Variants in OR2L13 observed in about 807,000 individuals in gnomAD.
OR2L13 encodes olfactory receptor family 2 subfamily L member 13.
OR2L13 carries 14 observed loss-of-function variants against 15.3 expected under a neutral mutation model. The ratio of observed to expected loss-of-function variants is 0.91; its 90% CI spans 0.60 to 1.43. OR2L13 has a LOEUF of 1.43. Ranked by LOEUF, OR2L13 falls within the 40% of genes most tolerant of loss-of-function variation. The probability of loss-of-function intolerance (pLI) is 0.00; values close to 1 mark genes in which losing one functional copy is unlikely to be tolerated. For missense variants in OR2L13, 367 were observed against 387.9 expected, an observed-to-expected ratio of 0.95 and a Z score of 0.45; for synonymous variants, 152 against 142.9, an observed-to-expected ratio of 1.06 and a Z score of -0.45.
chr1:248,087,932 T>A, the OR2L13 span, among the ~76,000 whole-genome samples: 4 of 152,220 alleles, frequency 2.6e-5, no homozygotes, highest in Non-Finnish European at 5.9e-5. Context: ...AATTTTTAAA[T>A]TTTCTGAAAT....
chr1:248,004,102 A>G, the OR2L13 span: 28 of 1,536,010 alleles, frequency 1.8e-5, no homozygotes, highest in Non-Finnish European at 2.4e-5. Context: ...CAGGACTCAG[A>G]TACACATCCA....
At chr1:247,986,749 G>A in the OR2L13 span, among the ~76,000 whole-genome samples, 1 of 152,130 alleles carries the variant, frequency 6.6e-6, no homozygotes, top group Non-Finnish European at 1.5e-5. Context: ...CATGAGCATG[G>A]AATGTTCTTC....
At chr1:248,061,406 C>T in the OR2L13 span, 4 of 1,614,116 alleles carry the variant, frequency 2.5e-6, no homozygotes, top group Non-Finnish European at 2.5e-6. Flanking sequence ...ACCTGCAGCA[C>T]CCACCTCACT....
At chr1:248,049,326 T>C in the OR2L13 span, among the ~76,000 whole-genome samples, 4 of 152,336 alleles carry the variant, frequency 2.6e-5, no homozygotes, top group African/African-American at 9.6e-5. Context: ...AAGAGATCCA[T>C]GCAATGCAAT....
At chr1:247,937,235 G>A in the OR2L13 span, 1 of 152,912 alleles carries the variant, frequency 6.5e-6, no homozygotes, top group South Asian at 1.8e-4. Context: ...GTCTTTGGCA[G>A]TAGTGGGCGT....
the OR2L13 span, chr1:247,975,515 A>G: frequency 2.0e-6 from 2 of 1,023,126 alleles, no homozygotes; most frequent in African/African-American, 3.2e-5. Context: ...AGATACCTGC[A>G]ATCTCCAACA....
chr1:248,003,632 TGC>T, the OR2L13 span: 2 of 1,611,906 alleles, frequency 1.2e-6, no homozygotes, highest in Non-Finnish European at 1.7e-6. Context: ...TATTCCTTAT[TGC>T]CCATCTAGGG....
chr1:248,053,864 G>A, the OR2L13 span, among the ~76,000 whole-genome samples: 7 of 151,992 alleles, frequency 4.6e-5, no homozygotes, highest in Non-Finnish European at 1.0e-4. Context: ...TTAGATCTTT[G>A]TCAGATGGAT....
chr1:247,938,507 A>G, the OR2L13 span, among the ~76,000 whole-genome samples: 3 of 152,226 alleles, frequency 2.0e-5, no homozygotes, highest in Non-Finnish European at 4.4e-5. Flanking sequence ...GTCAGAATTC[A>G]TAGATTTACA....
chr1:247,965,703 A>C, the OR2L13 span: 1 of 1,555,566 alleles, frequency 6.4e-7, no homozygotes, highest in Non-Finnish European at 8.7e-7. Flanking sequence ...CCCTTGGTGG[A>C]ACTGAAGCCC....
chr1:248,003,371 G>A, the OR2L13 span: 7 of 1,608,318 alleles, frequency 4.4e-6, no homozygotes, highest in Admixed American at 5.0e-5. Flanking sequence ...TCCTAAGATG[G>A]CATCTGATTT....
the OR2L13 span, among the ~76,000 whole-genome samples, chr1:248,074,292 G>T: frequency 1.3e-3 from 205 of 151,874 alleles, no homozygotes; most frequent in Non-Finnish European, 2.2e-3. Context: ...CACTAGAAGG[G>T]TTAAAATTAA....
At chr1:248,022,667 C>T in the OR2L13 span, 2 of 1,614,102 alleles carry the variant, frequency 1.2e-6, no homozygotes, top group Admixed American at 1.7e-5. Flanking sequence ...ATTCGACCTG[C>T]AGCACCCACC....
At chr1:247,962,328 G>A in the OR2L13 span, among the ~76,000 whole-genome samples, 121,511 of 152,124 alleles carry the variant, frequency 0.8, 52,703 homozygotes, top group South Asian at 0.95. Context: ...TACTGATTCA[G>A]TAGACTATTG....
At chr1:248,002,128 T>C in the OR2L13 span, among the ~76,000 whole-genome samples, 1 of 152,170 alleles carries the variant, frequency 6.6e-6, no homozygotes, top group African/African-American at 2.4e-5. Context: ...TTTTTTTAAT[T>C]ACCAATGTCA....
chr1:248,006,243 A>ATGTG, the OR2L13 span, among the ~76,000 whole-genome samples: 4,290 of 139,606 alleles, frequency 0.031, 49 homozygotes, highest in Non-Finnish European at 0.035. Flanking sequence ...ATTGCAAGAT[A>ATGTG]TGTGTGTGTG....
At chr1:247,998,753 ATTTTG>A in the OR2L13 span, among the ~76,000 whole-genome samples, 850 of 152,206 alleles carry the variant, frequency 5.6e-3, 11 homozygotes, top group Middle Eastern at 0.024. Context: ...GGTTATCCGG[ATTTTG>A]TTTTTACACA....
the OR2L13 span, among the ~76,000 whole-genome samples, chr1:248,048,965 T>C: frequency 6.6e-6 from 1 of 151,250 alleles, no homozygotes; most frequent in African/African-American, 2.4e-5. Context: ...TCTGCACCTA[T>C]GCAAATGATC....
chr1:247,986,971 G>T, the OR2L13 span, among the ~76,000 whole-genome samples: 1 of 151,934 alleles, frequency 6.6e-6, no homozygotes, highest in Non-Finnish European at 1.5e-5. Context: ...TTCTTTAATT[G>T]CTGTAATCAA....
Sources: allele counts gnomAD v4.1 joint callset (sites outside exome capture counted in the v4.1 genomes callset), GRCh38; gene constraint gnomAD v4.1.1; transcripts MANE v1.5; gene names NCBI Gene and HGNC (gene_info 2026-07-23, HGNC 2026-07-21).